Variants in OR2V1 observed in about 807,000 individuals in gnomAD.
OR2V1 encodes olfactory receptor family 2 subfamily V member 1, also known as olfactory receptor 2V1.
A neutral mutation model predicts 15.0 loss-of-function variants in OR2V1; 18 were observed. The ratio of observed to expected loss-of-function variants is 1.20; its 90% confidence interval spans 0.83 to 1.78. OR2V1 has a LOEUF of 1.78. Among genes scored for constraint, OR2V1 ranks in the 40% most tolerant of loss-of-function variants. OR2V1 has a pLI of 0.00. For missense variants in OR2V1, 359 were observed against 392.9 expected (o/e 0.91, Z 0.73); for synonymous variants, 144 against 146.1 (o/e 0.99, Z 0.10).
rs1762848480 is a variant in OR2V1, at chr5:181,124,688, A to G, written c.617T>C (p.Phe206Ser). 6.2e-7 allele frequency: 1 copy of G among 1,612,896 alleles called. No homozygotes were observed. Among genetic ancestry groups the G allele is most frequent in the Non-Finnish European group, 8.5e-7 (1 of 1,180,022 alleles). The change falls in exon 4 of 4, where the codon TTC (phenylalanine) becomes TCC (serine). Residue 206 changes from phenylalanine (F) to serine (S), a missense_variant. Physicochemically the swap from Phe to Ser is radical, Grantham distance 155. Transcript: ENST00000641551. ...FDTLLFACCV[F>S]MLLLPFSIIM... is the part of the protein sequence containing the mutation. The stretch of plus-strand genomic sequence containing the variant: ...GATGGAGAAGGGAAGGAGAAGCATG[A>G]AGACACAGCAAGCAAAGAGGAGGGT...
chr5:181,126,270 C>A (rs1333841611), intron 3 of OR2V1, among the ~76,000 whole-genome samples: 1 of 152,188 alleles, frequency 6.6e-6, no homozygotes, highest in Non-Finnish European at 1.5e-5. Flanking sequence ...TCCTTGAACT[C>A]TTGAGTCTAT....
At chr5:181,130,827 C>A (rs13166168) in intron 1 of OR2V1, among the ~76,000 whole-genome samples, 76,350 of 151,680 alleles carry the variant, frequency 0.5, 19,694 homozygotes, top group Middle Eastern at 0.63. Flanking sequence ...CATTGCCCCC[C>A]CACACACACA....
Position 181,124,679 on chromosome 5 carries a change from A to G in OR2V1, c.626T>C (p.Leu209Pro). 4 of 1,613,196 alleles carry G rather than the reference A, an allele frequency of 2.5e-6. No individual in the cohort carries two copies. The highest frequency in any genetic ancestry group is 3.4e-6 in the Non-Finnish European group (4 of 1,180,008). ...GGCCATGATGATGGAGAAGGGAAGGAGAAGCATGAAGACACAGCAAGCAAA... is the reference window on the plus strand; with the variant it reads ...GGCCATGATGATGGAGAAGGGAAGGGGAAGCATGAAGACACAGCAAGCAAA... ...LLFACCVFML[L>P]LPFSIIMASY... Residue 209 changes from leucine (L) to proline (P), a missense_variant, in exon 4 of 4, where the codon CTC becomes CCC. By Grantham distance (98) the Leu-to-Pro change is moderately conservative. Transcript: ENST00000641551.
At chr5:181,125,384 C>T in intron 3 of OR2V1, 59 bp from the exon 4 acceptor site, 1 of 1,317,572 alleles carries the variant, frequency 7.6e-7, no homozygotes. Context: ...GCTCCAAATT[C>T]TTCAGTTCAA....
rs574939874 is a variant in OR2V1 at position 181,125,222 on chromosome 5, A to G, written c.83T>C (p.Leu28Pro). The G allele has an allele frequency of 1.7e-4, 271 of 1,614,184 alleles. No individual in the cohort carries two copies. The African/African-American group carries it at 3.4e-3, about 20-fold the overall frequency. The change falls in exon 4 of 4, where the codon CTC (leucine) becomes CCC (proline). Residue 28 changes from leucine (L) to proline (P), a missense_variant. By Grantham distance (98) the Leu-to-Pro change is moderately conservative. Coordinates refer to ENST00000641551, the MANE Select transcript of OR2V1 (RefSeq NM_001258283.2). ...IFSHSQTDLV[L>P]FSAVMVVFTV... The stretch of plus-strand genomic sequence containing the variant: ...GAAGACCACCATAACTGCAGAGAAG[A>G]GGACAAGGTCAGTCTGGCTGTGGGA...
At position 181,125,272 on chromosome 5, in the gene OR2V1, A is replaced by T; in HGVS notation, c.33T>A (p.Asp11Glu). 6.2e-7 allele frequency: 1 copy of T among 1,613,766 alleles called. No homozygotes were observed. Among genetic ancestry groups the T allele is most frequent in the Non-Finnish European group, 8.5e-7 (1 of 1,180,048 alleles). MGRWVNQSYT[D>E]GFFLLGIFSH... ...AAAAGATGCCCAAGAGGAAGAAGCC[A>T]TCTGTGTAGGACTGGTTCACCCATC... Residue 11 changes from aspartate (D) to glutamate (E), a missense_variant, in exon 4 of 4, where the codon GAT becomes GAA. Asp to Glu is a conservative substitution (Grantham distance 45). Transcript: ENST00000641551.
At chr5:181,126,292 T>C (rs1192433235) in intron 3 of OR2V1, among the ~76,000 whole-genome samples, 1 of 152,198 alleles carries the variant, frequency 6.6e-6, no homozygotes, top group East Asian at 1.9e-4. Context: ...GTCACAGCAT[T>C]TGCAGAGAGT....
rs939658564 is a variant in OR2V1 at position 181,125,072 on chromosome 5, A to T, written c.233T>A (p.Ile78Asn). The T allele has an allele frequency of 9.9e-6, 16 of 1,613,872 alleles. No homozygotes were observed. Among genetic ancestry groups the T allele is most frequent in the East Asian group, 6.7e-5 (3 of 44,898 alleles). ...GAAGTTGGCTGCCATCTTTGGCACA[A>T]TGTTACAGACCAACATGAGGTCCAT... is the stretch of plus-strand genomic sequence containing the variant. Reference protein sequence around the residue: ...SLMDLMLVCNIVPKMAANFLS... With the variant: ...SLMDLMLVCNNVPKMAANFLS... The change falls in exon 4 of 4, where the codon ATT (isoleucine) becomes AAT (asparagine). Residue 78 changes from isoleucine (I) to asparagine (N), a missense_variant. Ile to Asn is a moderately radical substitution (Grantham distance 149, BLOSUM62 -3). Transcript: ENST00000641551.
intron 3 of OR2V1, among the ~76,000 whole-genome samples, chr5:181,126,946 G>C (rs951517775): frequency 6.6e-6 from 1 of 152,188 alleles, no homozygotes; most frequent in Admixed American, 6.5e-5. Flanking sequence ...GGTTTTCCTC[G>C]GTGGAATGCT....
intron 3 of OR2V1, among the ~76,000 whole-genome samples, chr5:181,127,822 C>T (rs1261325043): frequency 4.0e-5 from 6 of 151,878 alleles, no homozygotes; most frequent in Admixed American, 2.0e-4. Context: ...TCCCCCAGAT[C>T]CCCCAGCAGA....
rs1008756341 is a variant in OR2V1 at position 181,123,560 on chromosome 5, A to G, written c.*797T>C. On this transcript the variant is annotated 3_prime_UTR_variant, in exon 4 of 4. Transcript: ENST00000641551. ...TCCAAAGGAGTCAATCAGAAGCTGC[A>G]TCGATCTCAGTGAGCAGAGGGCTGA... is the stretch of plus-strand genomic sequence containing the variant. The G allele has an allele frequency of 1.3e-5, 2 of 152,558 alleles. No homozygotes were observed. The highest frequency in any genetic ancestry group is 4.8e-5 in the African/African-American group (2 of 41,450). 9.5% of individuals were successfully genotyped at this position (152,558 alleles called of 1,614,324 possible). A position where few individuals can be genotyped will look rare whatever the true frequency, so the allele number is the denominator to read the frequency against.
At chr5:181,128,774 C>G (rs917837609) in intron 3 of OR2V1, among the ~76,000 whole-genome samples, 6 of 152,186 alleles carry the variant, frequency 3.9e-5, no homozygotes, top group Non-Finnish European at 8.8e-5. Flanking sequence ...GGCATATATG[C>G]AAGGCAGGCC....
intron 3 of OR2V1, among the ~76,000 whole-genome samples, chr5:181,125,536 G>A (rs532650957): frequency 1.3e-5 from 2 of 152,340 alleles, no homozygotes; most frequent in Admixed American, 6.5e-5. Flanking sequence ...ATCATTTCAT[G>A]AGACCCAGGA....
intron 3 of OR2V1, among the ~76,000 whole-genome samples, chr5:181,128,339 C>A (rs573952114): frequency 1.1e-3 from 163 of 152,300 alleles, no homozygotes; most frequent in Middle Eastern, 3.4e-3. Flanking sequence ...TGGAGGATGG[C>A]AACGGCCCCA....
In OR2V1 at chr5:181,129,022, T is replaced by C. The variant is rs935677714; in HGVS notation, c.-22+498A>G. Among the ~76,000 whole-genome samples the C allele has an allele frequency of 5.3e-5, 8 of 152,058 alleles. 1 individual carries two copies. Among genetic ancestry groups the C allele is most frequent in the Non-Finnish European group, 7.4e-5 (5 of 67,982 alleles). On this transcript the variant is annotated intron_variant, in intron 3 of 3. Transcript: ENST00000641551. ...GCAGAAGGATAGCTCGAGGTAGGAG[T>C]TTGAGACCAGCCTGGGCAACATAAA...
In OR2V1 at chr5:181,124,404, C is replaced by T. The variant is rs1332277333; in HGVS notation, c.901G>A (p.Ala301Thr). The T allele has an allele frequency of 1.2e-6, 2 of 1,609,536 alleles. No homozygotes were observed. The highest frequency in any genetic ancestry group is 3.4e-5 in the Admixed American group (2 of 59,634). ...YSLRNGEVMG[A>T]LRKGLDRCRI... is the part of the protein sequence containing the mutation. ...CAGCGGTCCAGCCCCTTCCTCAGTG[C>T]CCCCATCACCTCCCCATTCCTCAAG... The change falls in exon 4 of 4, where the codon GCA becomes ACA. Residue 301 changes from alanine (A) to threonine (T), a missense_variant. Physicochemically the swap from Ala to Thr is moderately conservative, Grantham distance 58. Coordinates refer to ENST00000641551, the MANE Select transcript of OR2V1 (RefSeq NM_001258283.2).
Position 181,124,622 on chromosome 5 carries a change from C to G in OR2V1, c.683G>C (p.Arg228Pro). The change falls in exon 4 of 4, where the codon CGA becomes CCA. Residue 228 changes from arginine (R) to proline (P), a missense_variant. Transcript: ENST00000641551. ...SYACILGAVL[R>P]IRSAQAWKKA... Reference sequence around the variant, plus strand: ...TTTCCAGGCCTGAGCAGAGCGTATTCGGAGCACAGCCCCTAGGATGCAAGC... The same window carrying G: ...TTTCCAGGCCTGAGCAGAGCGTATTGGGAGCACAGCCCCTAGGATGCAAGC... 6.2e-7 allele frequency: 1 copy of G among 1,613,640 alleles called. No homozygotes were observed. The highest frequency in any genetic ancestry group is 8.5e-7 in the Non-Finnish European group (1 of 1,179,880).
In OR2V1 at chr5:181,124,842, T is replaced by A. The variant is rs749130786; in HGVS notation, c.463A>T (p.Ile155Leu). The A allele has an allele frequency of 6.2e-7, 1 of 1,600,072 alleles. No homozygotes were observed. The highest frequency in any genetic ancestry group is 1.3e-5 in the African/African-American group (1 of 74,696). The change falls in exon 4 of 4, where the codon ATA (isoleucine) becomes TTA (leucine). Residue 155 changes from isoleucine (I) to leucine (L), a missense_variant. Ile to Leu is a conservative substitution (Grantham distance 5). Coordinates refer to ENST00000641551, the MANE Select transcript of OR2V1 (RefSeq NM_001258283.2). ...GCCACCATCTGAATCACTCCATCTA[T>A]TATCCCAAAGGCCCAGGAGCTCCCA... ...ITGSSWAFGIIDGVIQMVAAM... is the reference protein window; with the variant it reads ...ITGSSWAFGILDGVIQMVAAM...
At position 181,124,377 on chromosome 5, in the gene OR2V1, T is replaced by G; in HGVS notation, c.928A>C (p.Arg310=). 6.3e-7 allele frequency: 1 copy of G among 1,589,032 alleles called. No homozygotes were observed. Among genetic ancestry groups the G allele is most frequent in the Non-Finnish European group, 8.6e-7 (1 of 1,166,892 alleles). Residue 310 remains arginine (R), a synonymous_variant, in exon 4 of 4, where the codon AGG becomes CGG. Coordinates refer to ENST00000641551, the MANE Select transcript of OR2V1 (RefSeq NM_001258283.2). ...GGGGTTCAGTGCTGGCTGCCAATCCTGCAGCGGTCCAGCCCCTTCCTCAGT... is the reference window on the plus strand; with the variant it reads ...GGGGTTCAGTGCTGGCTGCCAATCCGGCAGCGGTCCAGCCCCTTCCTCAGT... ...GALRKGLDRC[R]IGSQH
Sources: gnomAD v4.1 joint callset for allele counts (sites outside exome capture counted in the v4.1 genomes callset) on GRCh38, gnomAD v4.1.1 for gene constraint, MANE v1.5 for transcripts, NCBI Gene and HGNC (gene_info 2026-07-23, HGNC 2026-07-21) for gene names.